CNTNAP4: variants seen among roughly 807,000 people sequenced by gnomAD.
CNTNAP4 encodes the protein contactin associated protein family member 4.
A neutral mutation model predicts 148.4 loss-of-function variants in CNTNAP4; 98 were observed. That is an observed-to-expected ratio of 0.66 (90% confidence interval 0.56 to 0.78). CNTNAP4 has a LOEUF of 0.78. Ranked by LOEUF, CNTNAP4 falls within the 30% of genes least tolerant of loss-of-function variation. CNTNAP4 has a pLI of 0.00. For synonymous variants in CNTNAP4, 730 were observed against 565.1 expected (o/e 1.29, Z -4.14); for missense variants, 1,935 against 1,565.6 (o/e 1.24, Z -3.98).
chr16:76,532,199 T>C (rs1212837173), intron 17 of CNTNAP4, among the ~76,000 whole-genome samples: 1 of 152,218 alleles, frequency 6.6e-6, no homozygotes, highest in Non-Finnish European at 1.5e-5. Flanking sequence ...AATCCAAAGA[T>C]GAGCTGATGC....
intron 1 of CNTNAP4, among the ~76,000 whole-genome samples, chr16:76,307,568 A>C (rs1658824715): frequency 7.1e-6 from 1 of 140,816 alleles, no homozygotes. Flanking sequence ...TTACCCCATA[A>C]AGATGTTCTT....
intron 2 of CNTNAP4, among the ~76,000 whole-genome samples, chr16:76,334,302 G>A (rs942949937): frequency 6.6e-6 from 1 of 151,782 alleles, no homozygotes; most frequent in Non-Finnish European, 1.5e-5. Context: ...GAAACTAGTG[G>A]AAAAAAAGCC....
At chr16:76,430,227 A>G (rs2079560156) in intron 4 of CNTNAP4, among the ~76,000 whole-genome samples, 1 of 152,230 alleles carries the variant, frequency 6.6e-6, no homozygotes, top group Middle Eastern at 3.2e-3. Context: ...AAGAATAAGC[A>G]TCTTCTGATT....
chr16:76,400,844 G>C (rs2078386093), intron 3 of CNTNAP4, among the ~76,000 whole-genome samples: 1 of 152,098 alleles, frequency 6.6e-6, no homozygotes, highest in African/African-American at 2.4e-5. Flanking sequence ...AGATCAGGTG[G>C]TTGTAGGTAT....
chr16:76,442,357 T>C (rs1234850219), intron 4 of CNTNAP4, among the ~76,000 whole-genome samples: 1 of 152,182 alleles, frequency 6.6e-6, no homozygotes, highest in East Asian at 1.9e-4. Flanking sequence ...ATAATAAATT[T>C]GTGATATATT....
intron 3 of CNTNAP4, among the ~76,000 whole-genome samples, chr16:76,365,429 A>G (rs919425548): frequency 7.9e-5 from 12 of 152,162 alleles, no homozygotes; most frequent in African/African-American, 2.9e-4. Context: ...TGGAGAAACT[A>G]AGATTTGAAG....
chr16:76,291,819 G>T (rs999701014), intron 1 of CNTNAP4, among the ~76,000 whole-genome samples: 2 of 152,186 alleles, frequency 1.3e-5, no homozygotes, highest in Non-Finnish European at 2.9e-5. Flanking sequence ...TGCCCTCCAC[G>T]AATTGAGAAC....
At chr16:76,491,627 C>G (rs530709795) in intron 13 of CNTNAP4, among the ~76,000 whole-genome samples, 4 of 152,088 alleles carry the variant, frequency 2.6e-5, no homozygotes, top group Admixed American at 1.3e-4. Flanking sequence ...ATAAGCAAAT[C>G]TGGAAGGGTA....
At chr16:76,289,093 G>C (rs571975834) in intron 1 of CNTNAP4, among the ~76,000 whole-genome samples, 38 of 151,894 alleles carry the variant, frequency 2.5e-4, no homozygotes, top group African/African-American at 8.9e-4. Flanking sequence ...TATAGCAAAT[G>C]TAATTTGATA....
rs148229407 is a variant in CNTNAP4 at position 76,277,432 on chromosome 16, T to TGA, written c.-218_-217dup. Reference sequence around the variant, plus strand: ...CAGTGAGGAGTCAGGGAGGTGTGTGTGAGAGAGAGAGAGAAAAGAGAGAGA... The same window carrying TGA: ...CAGTGAGGAGTCAGGGAGGTGTGTGTGAGAGAGAGAGAGAGAAAAGAGAGAGA... On this transcript the variant is annotated 5_prime_UTR_variant, in exon 1 of 24. Coordinates refer to ENST00000611870, the MANE Select transcript of CNTNAP4 (RefSeq NM_033401.5). 183 of 502,138 alleles carry TGA rather than the reference T, an allele frequency of 3.6e-4. No individual in the cohort carries two copies. Among genetic ancestry groups the TGA allele is most frequent in the African/African-American group, 1.3e-3 (67 of 50,544 alleles). 31.1% of individuals were successfully genotyped at this position (502,138 alleles called of 1,614,324 possible). A position where few individuals can be genotyped will look rare whatever the true frequency, so the allele number is the denominator to read the frequency against.
chr16:76,508,871 G>A (rs1292440970), intron 15 of CNTNAP4, among the ~76,000 whole-genome samples: 1 of 91,072 alleles, frequency 1.1e-5, no homozygotes, highest in African/African-American at 2.7e-5. Flanking sequence ...TCCTGCCTCA[G>A]CCTCCCGAGT....
intron 21 of CNTNAP4, among the ~76,000 whole-genome samples, chr16:76,548,838 A>G (rs555010899): frequency 7.2e-5 from 11 of 152,156 alleles, no homozygotes; most frequent in Non-Finnish European, 7.3e-5. Context: ...TAACAAGAAA[A>G]ACTTATATTT....
intron 3 of CNTNAP4, among the ~76,000 whole-genome samples, chr16:76,403,430 C>G (rs913970383): frequency 2.6e-5 from 4 of 152,064 alleles, no homozygotes; most frequent in Non-Finnish European, 4.4e-5. Context: ...ATATGGCTAA[C>G]AAGCATATGA....
intron 1 of CNTNAP4, among the ~76,000 whole-genome samples, chr16:76,290,013 C>A (rs1018805940): frequency 6.6e-6 from 1 of 152,148 alleles, no homozygotes; most frequent in African/African-American, 2.4e-5. Flanking sequence ...ATAGTCATAA[C>A]TTTTCATGCA....
At chr16:76,512,827 T>G (rs1210613633) in intron 15 of CNTNAP4, among the ~76,000 whole-genome samples, 1 of 152,146 alleles carries the variant, frequency 6.6e-6, no homozygotes, top group African/African-American at 2.4e-5. Context: ...TATCCTGGAC[T>G]CCAAGTGAAG....
rs2144470207 is a variant in CNTNAP4 at position 76,559,634 on chromosome 16, T to C, written c.*951T>C. ...TGCCCAAACCTAGATCAGTCCTTTA[T>C]TGGTTTACATTTCTGTTTTTCTGAA... On this transcript the variant is annotated 3_prime_UTR_variant, in exon 24 of 24. Transcript: ENST00000611870. Among the ~76,000 whole-genome samples, 1 of 152,304 alleles carries C rather than the reference T, an allele frequency of 6.6e-6. No homozygotes were observed. The highest frequency in any genetic ancestry group is 1.5e-5 in the Non-Finnish European group (1 of 68,022).
At chr16:76,355,280 C>A in intron 2 of CNTNAP4, 38 bp from the exon 3 acceptor site, 1 of 1,443,324 alleles carries the variant, frequency 6.9e-7, no homozygotes, top group Non-Finnish European at 9.2e-7. Flanking sequence ...ACTAACTTTC[C>A]TTTCTCAATT....
chr16:76,411,106 G>A (rs566777287), intron 3 of CNTNAP4, among the ~76,000 whole-genome samples: 1 of 151,244 alleles, frequency 6.6e-6, no homozygotes, highest in Non-Finnish European at 1.5e-5. Context: ...CGTGATGAGG[G>A]TCATCAGTTC....
chr16:76,389,544 C>A (rs917295118), intron 3 of CNTNAP4, among the ~76,000 whole-genome samples: 3 of 152,164 alleles, frequency 2.0e-5, no homozygotes, highest in Non-Finnish European at 4.4e-5. Flanking sequence ...ACATCCTCAT[C>A]CCGAGTTCAA....
Sources: gnomAD v4.1 joint callset for allele counts (sites outside exome capture counted in the v4.1 genomes callset) on GRCh38, gnomAD v4.1.1 for gene constraint, MANE v1.5 for transcripts, NCBI Gene and HGNC (gene_info 2026-07-23, HGNC 2026-07-21) for gene names.